DLG2: variants seen among roughly 807,000 people sequenced by gnomAD.
DLG2 encodes discs large MAGUK scaffold protein 2.
A neutral mutation model predicts 132.5 loss-of-function variants in DLG2; 45 were observed. The observed-to-expected ratio is 0.34, with a 90% CI of 0.27 to 0.44. The LOEUF (loss-of-function observed/expected upper bound fraction) is 0.44. Ranked by LOEUF, DLG2 falls within the 20% of genes least tolerant of loss-of-function variation. DLG2 has a pLI of 1.00. For synonymous variants in DLG2, 424 were observed against 419.6 expected (o/e 1.01, Z -0.13); for missense variants, 1,045 against 1,196.9 (o/e 0.87, Z 1.87).
chr11:85,395,167 G>A (rs2087191777), intron 3 of DLG2, among the ~76,000 whole-genome samples: 1 of 152,022 alleles, frequency 6.6e-6, no homozygotes, highest in South Asian at 2.1e-4. Context: ...TCATGGAACA[G>A]GTACATAAAC....
At chr11:85,208,533 T>C (rs929620303) in intron 4 of DLG2, among the ~76,000 whole-genome samples, 3 of 152,174 alleles carry the variant, frequency 2.0e-5, no homozygotes, top group Admixed American at 2.0e-4. Flanking sequence ...AACACAGTTT[T>C]GCAACTCAAA....
chr11:83,969,237 A>G (rs35693607), intron 12 of DLG2, among the ~76,000 whole-genome samples: 6,467 of 152,214 alleles, frequency 0.042, 198 homozygotes, highest in Non-Finnish European at 0.067. Context: ...ATGAGATTAT[A>G]TTTGTATGTT....
intron 4 of DLG2, among the ~76,000 whole-genome samples, chr11:85,254,373 T>A (rs2076555404): frequency 6.6e-6 from 1 of 152,162 alleles, no homozygotes; most frequent in Admixed American, 6.5e-5. Context: ...AACAAAAATA[T>A]ACACACTTAC....
At chr11:85,469,969 T>A (rs751201430) in intron 3 of DLG2, among the ~76,000 whole-genome samples, 3 of 152,240 alleles carry the variant, frequency 2.0e-5, no homozygotes, top group Non-Finnish European at 4.4e-5. Flanking sequence ...CCAAAGCCCT[T>A]ACTTTAGCCT....
chr11:84,852,443 T>G (rs1440116838), intron 6 of DLG2, among the ~76,000 whole-genome samples: 1 of 152,004 alleles, frequency 6.6e-6, no homozygotes, highest in Non-Finnish European at 1.5e-5. Flanking sequence ...TCTGTAGTGT[T>G]GTGTTCAGAA....
intron 18 of DLG2, among the ~76,000 whole-genome samples, chr11:83,733,630 C>T (rs1289958314): frequency 5.3e-5 from 8 of 152,184 alleles, no homozygotes; most frequent in Non-Finnish European, 1.0e-4. Flanking sequence ...CTGAGACTTA[C>T]TCTTCTGGCT....
intron 6 of DLG2, among the ~76,000 whole-genome samples, chr11:84,609,225 T>C (rs2099591044): frequency 6.6e-6 from 1 of 152,130 alleles, no homozygotes; most frequent in Admixed American, 6.6e-5. Context: ...ATGGGTAAGT[T>C]AGTTAACCTC....
chr11:84,867,665 T>C (rs898769571), intron 6 of DLG2, among the ~76,000 whole-genome samples: 3 of 152,154 alleles, frequency 2.0e-5, no homozygotes, highest in Non-Finnish European at 4.4e-5. Flanking sequence ...GAAAGAAACA[T>C]AGGTGTCTCT....
intron 3 of DLG2, among the ~76,000 whole-genome samples, chr11:85,408,866 T>A (rs2089045492): frequency 6.6e-6 from 1 of 151,852 alleles, no homozygotes; most frequent in Admixed American, 6.6e-5. Flanking sequence ...TACGTGTGCA[T>A]GTGTCTTTAT....
chr11:85,097,221 C>T (rs1461653112), intron 6 of DLG2, among the ~76,000 whole-genome samples: 2 of 152,132 alleles, frequency 1.3e-5, no homozygotes, highest in Non-Finnish European at 2.9e-5. Context: ...AGAATGATTT[C>T]TAGTATAAAC....
intron 6 of DLG2, among the ~76,000 whole-genome samples, chr11:84,770,338 A>C (rs762711771): frequency 1.5e-4 from 23 of 152,284 alleles, no homozygotes; most frequent in Middle Eastern, 3.4e-3. Context: ...ATTCAGGGGT[A>C]CATGTGCAGG....
Position 83,495,600 on chromosome 11 carries a change from G to A in DLG2, c.2194-11372C>T, listed in dbSNP as rs61900127. Among the ~76,000 whole-genome samples the A allele has an allele frequency of 3.5e-3, 525 of 152,148 alleles. 1 individual carries two copies. Among genetic ancestry groups the A allele is most frequent in the Middle Eastern group, 6.8e-3 (2 of 294 alleles). ...CTGCTGCTATTAAAGAGGAAGATTGGTGAGGTTAGAAATTGTCGTACCCAT... is the reference window on the plus strand; with the variant it reads ...CTGCTGCTATTAAAGAGGAAGATTGATGAGGTTAGAAATTGTCGTACCCAT... On this transcript the variant is annotated intron_variant, in intron 21 of 27. Coordinates refer to ENST00000376104, the MANE Select transcript of DLG2 (RefSeq NM_001142699.3).
At chr11:85,334,256 T>G (rs2081975494) in intron 3 of DLG2, among the ~76,000 whole-genome samples, 1 of 152,146 alleles carries the variant, frequency 6.6e-6, no homozygotes, top group Non-Finnish European at 1.5e-5. Flanking sequence ...TTTTTTGTAT[T>G]CCTTTGGGGT....
At chr11:84,163,545 T>A in intron 8 of DLG2, 34 bp from the exon 9 acceptor site, 2 of 1,548,528 alleles carry the variant, frequency 1.3e-6, no homozygotes, top group Non-Finnish European at 1.8e-6. Context: ...AGAGAACTAT[T>A]AAATACATGT....
chr11:84,356,297 A>G (rs1235474565), intron 7 of DLG2, among the ~76,000 whole-genome samples: 1 of 152,282 alleles, frequency 6.6e-6, no homozygotes. Context: ...ACAAACATTT[A>G]CTGAGTATCC....
intron 16 of DLG2, among the ~76,000 whole-genome samples, chr11:83,850,032 T>A (rs1269250860): frequency 6.6e-6 from 1 of 152,124 alleles, no homozygotes; most frequent in Non-Finnish European, 1.5e-5. Context: ...ATTTAGGTCC[T>A]GACTTAATGG....
At chr11:85,002,142 C>G (rs2154131073) in intron 6 of DLG2, among the ~76,000 whole-genome samples, 1 of 152,176 alleles carries the variant, frequency 6.6e-6, no homozygotes, top group East Asian at 1.9e-4. Flanking sequence ...CTTGCTTCAT[C>G]CTGGGATACA....
intron 6 of DLG2, among the ~76,000 whole-genome samples, chr11:84,704,660 A>C (rs970399247): frequency 1.3e-5 from 2 of 151,504 alleles, no homozygotes; most frequent in African/African-American, 4.8e-5. Context: ...ATAATGTTTA[A>C]AAATATGAAA....
chr11:85,185,750 C>A (rs1434854428), intron 4 of DLG2, among the ~76,000 whole-genome samples: 1 of 151,810 alleles, frequency 6.6e-6, no homozygotes, highest in African/African-American at 2.4e-5. Flanking sequence ...TCATCGAAAT[C>A]AACATAATTA....
Sources: allele counts gnomAD v4.1 joint callset (sites outside exome capture counted in the v4.1 genomes callset), GRCh38; gene constraint gnomAD v4.1.1; transcripts MANE v1.5; gene names NCBI Gene and HGNC (gene_info 2026-07-23, HGNC 2026-07-21).